Variants in TNC observed in about 807,000 individuals in gnomAD.
TNC encodes tenascin C, also known as tenascin.
TNC carries 109 observed loss-of-function variants against 202.4 expected under a neutral mutation model. The ratio of observed to expected loss-of-function variants is 0.54; its 90% CI spans 0.46 to 0.63. The LOEUF is 0.63. TNC is among the 30% of genes least tolerant of loss of function. The pLI, the probability that TNC is intolerant of heterozygous loss-of-function variation, is 0.00. For missense variants in TNC, 2,756 were observed against 2,833.3 expected, an observed-to-expected ratio of 0.97 and a Z score of 0.62; for synonymous variants, 1,007 against 1,089.7, an observed-to-expected ratio of 0.92 and a Z score of 1.50.
At chr9:115,060,296 T>C (rs1832449872) in intron 13 of TNC, among the ~76,000 whole-genome samples, 1 of 152,026 alleles carries the variant, frequency 6.6e-6, no homozygotes, top group South Asian at 2.1e-4. Flanking sequence ...GAAATTCACA[T>C]GGAAAAGTAG....
At chr9:115,067,960 C>T (rs1478095574) in intron 10 of TNC, among the ~76,000 whole-genome samples, 1 of 151,784 alleles carries the variant, frequency 6.6e-6, no homozygotes, top group African/African-American at 2.4e-5. Flanking sequence ...TAAATAAATG[C>T]TAGCCAAGTG....
chr9:115,063,766 G>T, intron 12 of TNC, 30 bp downstream of exon 12: 1 of 1,592,170 alleles, frequency 6.3e-7, no homozygotes, highest in South Asian at 1.1e-5. Context: ...CAAAGGGGAG[G>T]AAGTGAATTA....
intron 27 of TNC, 83 bp from the exon 28 acceptor site, chr9:115,021,350 A>G: frequency 2.2e-6 from 2 of 911,290 alleles, no homozygotes; most frequent in South Asian, 1.5e-5. Context: ...TTCACTGATC[A>G]TTGCTATTTA....
chr9:115,099,675 C>T (rs571796905), intron 1 of TNC, among the ~76,000 whole-genome samples: 3 of 152,290 alleles, frequency 2.0e-5, no homozygotes, highest in East Asian at 3.9e-4. Flanking sequence ...TGAGATAATA[C>T]AGGCAAAACA....
intron 22 of TNC, 30 bp downstream of exon 22, chr9:115,035,174 C>A: frequency 6.4e-7 from 1 of 1,574,634 alleles, no homozygotes. Context: ...CTTCAACTAG[C>A]ATTGAGGAGT....
In TNC at chr9:115,039,337, A is replaced by G. The variant is rs142881627; in HGVS notation, c.5393-957T>C. Among the ~76,000 whole-genome samples, 599 of 152,334 alleles carry G rather than the reference A, an allele frequency of 3.9e-3. 3 individuals carry two copies. Among genetic ancestry groups the G allele is most frequent in the African/African-American group, 0.013 (552 of 41,576 alleles). On this transcript the variant is annotated intron_variant, in intron 19 of 27. Transcript: ENST00000350763. The stretch of plus-strand genomic sequence containing the variant: ...CTGTTTAGTTAATAAAGACTAGCTA[A>G]GCAATGTGTGATGTGTAAGATGTAC...
chr9:115,062,767 T>C, intron 13 of TNC, 150 bp downstream of exon 13: 1 of 817,840 alleles, frequency 1.2e-6, no homozygotes, highest in Non-Finnish European at 1.9e-6. Flanking sequence ...GCTAGTGAGG[T>C]GGAATTCCAA....
In TNC at chr9:115,086,922, C is replaced by G; in HGVS notation, c.809G>C (p.Cys270Ser). Reference sequence around the variant, plus strand: ...GTCATCGCCTGCAAAGCCATCGTGGCACACACACAAGCCATCTACACATGT... The same window carrying G: ...GTCATCGCCTGCAAAGCCATCGTGGGACACACACAAGCCATCTACACATGT... ...HGTCVDGLCV[C>S]HDGFAGDDCN... Residue 270 changes from cysteine (C) to serine (S), a missense_variant, in exon 3 of 28, where the codon TGC becomes TCC. Physicochemically the swap from Cys to Ser is moderately radical, Grantham distance 112. Transcript: ENST00000350763. 1 of 1,614,110 alleles carries G rather than the reference C, an allele frequency of 6.2e-7. No homozygotes were observed. The highest frequency in any genetic ancestry group is 8.5e-7 in the Non-Finnish European group (1 of 1,180,044).
At chr9:115,095,502 GTATATATATA>G (rs765328159) in intron 1 of TNC, among the ~76,000 whole-genome samples, 489 of 30,758 alleles carry the variant, frequency 0.016, 50 homozygotes, top group Middle Eastern at 0.075. Flanking sequence ...GTATATATAT[GTATATATATA>G]TGTATATATA....
Position 115,101,676 on chromosome 9 carries a change from A to G in TNC, c.-136-10522T>C, listed in dbSNP as rs77852055. Among the ~76,000 whole-genome samples the G allele has an allele frequency of 3.0e-3, 459 of 152,302 alleles. 3 individuals are homozygous for G. The highest frequency in any genetic ancestry group is 0.014 in the Middle Eastern group (4 of 294). On this transcript the variant is annotated intron_variant, in intron 1 of 27. Transcript: ENST00000350763. ...CTATTTACTTAGTATGGACCTCCCA[A>G]TGTGCTGGGTACTTTGGAAAATAGG...
At chr9:115,076,250 A>AC in intron 8 of TNC, 129 bp from the exon 9 acceptor site, 1 of 1,393,600 alleles carries the variant, frequency 7.2e-7, no homozygotes, top group South Asian at 1.2e-5. Context: ...AAAAGAACTC[A>AC]CTGCAATCCA....
intron 18 of TNC, among the ~76,000 whole-genome samples, chr9:115,041,411 A>G (rs1830748658): frequency 6.6e-6 from 1 of 152,070 alleles, no homozygotes; most frequent in African/African-American, 2.4e-5. Flanking sequence ...TTCCCCACAA[A>G]CAATATGGGA....
At chr9:115,022,389 T>C (rs1254484407) in intron 27 of TNC, among the ~76,000 whole-genome samples, 1 of 152,224 alleles carries the variant, frequency 6.6e-6, no homozygotes, top group African/African-American at 2.4e-5. Context: ...CCACGCCTTC[T>C]TGTACTGTGG....
Position 115,076,378 on chromosome 9 carries a change from T to G in TNC, c.2860+12A>C. ...GCTGGCTGGCTCAGGCTTGCAGAGATGCAGAGCTCACCTGTGAGTGTGGTT... is the reference window on the plus strand; with the variant it reads ...GCTGGCTGGCTCAGGCTTGCAGAGAGGCAGAGCTCACCTGTGAGTGTGGTT... On this transcript the variant is annotated intron_variant, in intron 8 of 27. Transcript: ENST00000350763. The G allele has an allele frequency of 3.7e-6, 6 of 1,613,612 alleles. No homozygotes were observed. Among genetic ancestry groups the G allele is most frequent in the Non-Finnish European group, 5.1e-6 (6 of 1,179,774 alleles).
At chr9:115,023,941 T>C in intron 27 of TNC, 32 bp downstream of exon 27, 1 of 1,599,394 alleles carries the variant, frequency 6.3e-7, no homozygotes, top group East Asian at 2.3e-5. Flanking sequence ...TTCCCAAGCT[T>C]GGCCTGCTCT....
intron 16 of TNC, among the ~76,000 whole-genome samples, chr9:115,047,854 A>G (rs1031355200): frequency 6.6e-6 from 1 of 152,190 alleles, no homozygotes; most frequent in Non-Finnish European, 1.5e-5. Flanking sequence ...TGTTAAGATC[A>G]TGGTTGAGAT....
chr9:115,071,520 C>T (rs936774180), intron 10 of TNC, among the ~76,000 whole-genome samples: 1 of 152,208 alleles, frequency 6.6e-6, no homozygotes, highest in Admixed American at 6.5e-5. Context: ...AGAAGCCCCA[C>T]ACCTCAGGAT....
intron 25 of TNC, among the ~76,000 whole-genome samples, chr9:115,027,569 G>A (rs1483700242): frequency 6.6e-6 from 1 of 152,090 alleles, no homozygotes; most frequent in Non-Finnish European, 1.5e-5. Flanking sequence ...CAGCCTCGGC[G>A]ACAGAGTGAA....
At chr9:115,072,490 C>T (rs992022034) in intron 10 of TNC, among the ~76,000 whole-genome samples, 1 of 152,238 alleles carries the variant, frequency 6.6e-6, no homozygotes, top group Admixed American at 6.5e-5. Flanking sequence ...AAAGACTCTT[C>T]AAGCCATTTC....
Sources: gnomAD v4.1 joint callset for allele counts (sites outside exome capture counted in the v4.1 genomes callset) on GRCh38, gnomAD v4.1.1 for gene constraint, MANE v1.5 for transcripts, NCBI Gene and HGNC (gene_info 2026-07-23, HGNC 2026-07-21) for gene names.